SOX5: variants seen among roughly 807,000 people sequenced by gnomAD.
SOX5 encodes SRY-box transcription factor 5.
In SOX5, 9 loss-of-function variants were observed where a neutral mutation model predicts 92.0. That is an observed-to-expected ratio of 0.10 (90% CI 0.06 to 0.17). The LOEUF is 0.17. Among genes scored for constraint, SOX5 ranks in the 10% least tolerant of loss-of-function variants. The pLI, the probability that SOX5 is intolerant of heterozygous loss-of-function variation, is 1.00. For missense variants in SOX5, 642 were observed against 944.5 expected, an observed-to-expected ratio of 0.68 and a Z score of 4.20; for synonymous variants, 344 against 336.3, an observed-to-expected ratio of 1.02 and a Z score of -0.25.
chr12:24,234,377 T>A (rs1220098501), intron 3 of SOX5, among the ~76,000 whole-genome samples: 2 of 152,102 alleles, frequency 1.3e-5, no homozygotes, highest in African/African-American at 4.8e-5. Context: ...TATTTACCTA[T>A]CATGTTAAAG....
At chr12:24,354,065 G>C (rs1228939182) in intron 2 of SOX5, among the ~76,000 whole-genome samples, 2 of 152,186 alleles carry the variant, frequency 1.3e-5, no homozygotes, top group African/African-American at 4.8e-5. Context: ...AAGTCTTATA[G>C]ATTAGATTAA....
At chr12:24,121,970 T>C (rs1255175074) in intron 4 of SOX5, among the ~76,000 whole-genome samples, 2 of 149,600 alleles carry the variant, frequency 1.3e-5, no homozygotes, top group East Asian at 2.0e-4. Flanking sequence ...TACACATCAA[T>C]GCAAGGAAAA....
At chr12:23,637,659 A>G (rs1592813088) in intron 8 of SOX5, among the ~76,000 whole-genome samples, 2 of 152,176 alleles carry the variant, frequency 1.3e-5, no homozygotes, top group South Asian at 4.1e-4. Flanking sequence ...AGCAGAATAA[A>G]GCAAAAACTG....
At chr12:24,516,813 T>C (rs1231504651) in intron 1 of SOX5, among the ~76,000 whole-genome samples, 1 of 152,202 alleles carries the variant, frequency 6.6e-6, no homozygotes, top group Non-Finnish European at 1.5e-5. Flanking sequence ...ATAATTTTTG[T>C]TTTTTCTTCC....
chr12:24,062,498 AGT>A (rs1401404824), intron 4 of SOX5, among the ~76,000 whole-genome samples: 1 of 152,316 alleles, frequency 6.6e-6, no homozygotes, highest in East Asian at 1.9e-4. Context: ...AATATATTAC[AGT>A]GTCTTAAGCT....
At chr12:24,229,282 T>A (rs1314969229) in intron 3 of SOX5, among the ~76,000 whole-genome samples, 1 of 152,260 alleles carries the variant, frequency 6.6e-6, no homozygotes, top group Non-Finnish European at 1.5e-5. Flanking sequence ...GGCCATTTAC[T>A]GCTGCACTAA....
intron 1 of SOX5, among the ~76,000 whole-genome samples, chr12:24,387,548 G>A (rs754336831): frequency 6.6e-5 from 10 of 152,080 alleles, no homozygotes; most frequent in Non-Finnish European, 1.2e-4. Context: ...GGTCTATTCT[G>A]TCACCCTCTT....
intron 4 of SOX5, among the ~76,000 whole-genome samples, chr12:24,178,831 A>G (rs975749894): frequency 3.9e-5 from 6 of 152,212 alleles, no homozygotes; most frequent in African/African-American, 1.2e-4. Context: ...CAATAGTCCT[A>G]TGATCACTCA....
intron 11 of SOX5, among the ~76,000 whole-genome samples, chr12:23,555,208 C>CATCA (rs929624257): frequency 6.6e-6 from 1 of 152,012 alleles, no homozygotes; most frequent in African/African-American, 2.4e-5. Flanking sequence ...AAAAAATCAA[C>CATCA]ATCATTCTAT....
intron 3 of SOX5, among the ~76,000 whole-genome samples, chr12:23,826,183 C>T (rs1328738341): frequency 1.4e-5 from 2 of 144,252 alleles, no homozygotes; most frequent in African/African-American, 5.1e-5. Flanking sequence ...CCTCCCCCTA[C>T]CCCACAACAG....
chr12:24,446,094 G>GCT (rs1460626069), intron 1 of SOX5, among the ~76,000 whole-genome samples: 13 of 152,230 alleles, frequency 8.5e-5, no homozygotes, highest in Admixed American at 2.6e-4. Context: ...TCTCCTATGT[G>GCT]CTAGTAACTG....
intron 1 of SOX5, among the ~76,000 whole-genome samples, chr12:23,921,602 A>C (rs1938303250): frequency 6.6e-6 from 1 of 152,128 alleles, no homozygotes; most frequent in Non-Finnish European, 1.5e-5. Flanking sequence ...AACAACAAAA[A>C]CGAGCCTCCC....
intron 4 of SOX5, among the ~76,000 whole-genome samples, chr12:24,120,499 T>G (rs1290589632): frequency 6.6e-6 from 1 of 152,184 alleles, no homozygotes; most frequent in East Asian, 1.9e-4. Flanking sequence ...GAACTATTCT[T>G]TCAGAACTAA....
At chr12:24,053,944 G>A (rs748505303) in intron 4 of SOX5, among the ~76,000 whole-genome samples, 1 of 152,174 alleles carries the variant, frequency 6.6e-6, no homozygotes, top group Non-Finnish European at 1.5e-5. Flanking sequence ...CTTGCGCAAA[G>A]CCTTAGAGCA....
At chr12:23,956,487 G>A (rs533650468) in intron 4 of SOX5, among the ~76,000 whole-genome samples, 1 of 152,208 alleles carries the variant, frequency 6.6e-6, no homozygotes, top group South Asian at 2.1e-4. Context: ...TTTCACTCTT[G>A]AGAGTCTAAT....
chr12:24,055,706 G>A (rs1958020976), intron 4 of SOX5, among the ~76,000 whole-genome samples: 1 of 151,992 alleles, frequency 6.6e-6, no homozygotes, highest in African/African-American at 2.4e-5. Flanking sequence ...CCTTCATCTT[G>A]TCTAACAATT....
At chr12:24,018,650 A>G (rs1449585276) in intron 4 of SOX5, among the ~76,000 whole-genome samples, 1 of 152,066 alleles carries the variant, frequency 6.6e-6, no homozygotes, top group Non-Finnish European at 1.5e-5. Flanking sequence ...TACAAAAACT[A>G]GCTGGGCATG....
chr12:24,527,684 C>T (rs1415244358), intron 1 of SOX5, among the ~76,000 whole-genome samples: 1 of 152,232 alleles, frequency 6.6e-6, no homozygotes, highest in Non-Finnish European at 1.5e-5. Flanking sequence ...TCCTGACCTT[C>T]TCCAAGAAGC....
chr12:24,408,557 T>C (rs1039812745), intron 1 of SOX5, among the ~76,000 whole-genome samples: 1 of 152,288 alleles, frequency 6.6e-6, no homozygotes, highest in South Asian at 2.1e-4. Flanking sequence ...CCACCCTCCT[T>C]AACCCCTGGA....
Sources: gnomAD v4.1 joint callset for allele counts (sites outside exome capture counted in the v4.1 genomes callset) on GRCh38, gnomAD v4.1.1 for gene constraint, MANE v1.5 for transcripts, NCBI Gene and HGNC (gene_info 2026-07-23, HGNC 2026-07-21) for gene names.